PRDM5: variants seen among roughly 807,000 people sequenced by gnomAD.
PRDM5 encodes PR domain zinc finger protein 5.
A neutral mutation model predicts 81.2 loss-of-function variants in PRDM5; 56 were observed. That is an observed-to-expected ratio of 0.69 (90% CI 0.56 to 0.86). The LOEUF is 0.86. Ranked by LOEUF, PRDM5 falls within the 40% of genes least tolerant of loss-of-function variation. The probability of loss-of-function intolerance (pLI) is 0.00; values close to 1 mark genes in which losing one functional copy is unlikely to be tolerated. For missense variants in PRDM5, 697 were observed against 770.1 expected, an observed-to-expected ratio of 0.91 and a Z score of 1.12; for synonymous variants, 267 against 256.4, an observed-to-expected ratio of 1.04 and a Z score of -0.39.
intron 3 of PRDM5, among the ~76,000 whole-genome samples, chr4:120,841,683 A>C (rs1285206846): frequency 6.6e-6 from 1 of 152,146 alleles, no homozygotes; most frequent in African/African-American, 2.4e-5. Context: ...TGGGTGTCTA[A>C]ATTTTAGTTT....
At chr4:120,863,156 T>TAAAAAAAA (rs66499146) in intron 2 of PRDM5, among the ~76,000 whole-genome samples, 1 of 40,108 alleles carries the variant, frequency 2.5e-5, no homozygotes, top group African/African-American at 1.2e-4. Context: ...AGACTCTGTC[T>TAAAAAAAA]AAAAAAAAAA....
In PRDM5 at chr4:120,811,396, C is replaced by G; in HGVS notation, c.919G>C (p.Ala307Pro). 1 of 1,601,816 alleles carries G rather than the reference C, an allele frequency of 6.2e-7. No homozygotes were observed. The highest frequency in any genetic ancestry group is 8.5e-7 in the Non-Finnish European group (1 of 1,171,312). ...CSVCNKKCSS[A>P]SSLQEHRKIH... ...TTTCTATGTTCCTGTAGGCTTGATG[C>G]TGAAGAACACTTTTTATTGCACACT... Residue 307 changes from alanine (A) to proline (P), a missense_variant, in exon 8 of 16, where the codon GCA (alanine) becomes CCA (proline). Around this residue, in one of 3 missense-constraint regions of PRDM5, gnomAD observed 577 missense variants for 606.7 expected, o/e 0.95. Transcript: ENST00000264808.
downstream of PRDM5, among the ~76,000 whole-genome samples, chr4:120,687,156 C>T (rs1733869560): frequency 6.6e-6 from 1 of 151,940 alleles, no homozygotes; most frequent in Non-Finnish European, 1.5e-5. Context: ...CATACATTTT[C>T]TTTTTTCATC....
intron 3 of PRDM5, among the ~76,000 whole-genome samples, chr4:120,826,897 T>C (rs1403369879): frequency 6.6e-6 from 1 of 152,150 alleles, no homozygotes; most frequent in Non-Finnish European, 1.5e-5. Context: ...AAGATGCTGC[T>C]GTATTTAATA....
chr4:120,765,519 T>C (rs1428817885), intron 13 of PRDM5, among the ~76,000 whole-genome samples: 1 of 152,210 alleles, frequency 6.6e-6, no homozygotes, highest in Non-Finnish European at 1.5e-5. Context: ...TGTGCTCTAC[T>C]ATTTCAGCTG....
intron 3 of PRDM5, among the ~76,000 whole-genome samples, chr4:120,841,522 T>C (rs1231096780): frequency 2.6e-5 from 4 of 152,262 alleles, no homozygotes; most frequent in East Asian, 1.9e-4. Context: ...AATTTGTTTA[T>C]TGACTTCTTT....
intron 13 of PRDM5, among the ~76,000 whole-genome samples, chr4:120,756,916 C>T (rs994803400): frequency 1.3e-5 from 2 of 152,044 alleles, no homozygotes; most frequent in African/African-American, 4.8e-5. Flanking sequence ...TTCTAGCAAG[C>T]CTAAGATAAT....
chr4:120,761,515 C>A (rs925498805), intron 13 of PRDM5, among the ~76,000 whole-genome samples: 6 of 152,118 alleles, frequency 3.9e-5, no homozygotes, highest in African/African-American at 9.7e-5. Flanking sequence ...CAGAAGAATT[C>A]TAGCCCTCAC....
At chr4:120,755,158 A>T (rs1744547932) in intron 13 of PRDM5, among the ~76,000 whole-genome samples, 1 of 152,246 alleles carries the variant, frequency 6.6e-6, no homozygotes, top group Non-Finnish European at 1.5e-5. Context: ...AGTTAAACTA[A>T]ATAATAATTA....
chr4:120,829,284 T>A (rs1756416703), intron 3 of PRDM5, among the ~76,000 whole-genome samples: 1 of 152,064 alleles, frequency 6.6e-6, no homozygotes, highest in Non-Finnish European at 1.5e-5. Context: ...TCAAGATGCC[T>A]TCCAGTCTAA....
intron 3 of PRDM5, among the ~76,000 whole-genome samples, chr4:120,835,397 T>C (rs971813447): frequency 1.3e-5 from 2 of 152,218 alleles, no homozygotes; most frequent in Admixed American, 6.5e-5. Flanking sequence ...TGTGCATGCA[T>C]GTACACACAT....
At position 120,863,223 on chromosome 4, in the gene PRDM5, CACAT is replaced by C. The variant is rs1395800735; in HGVS notation, c.178-9687_178-9684del. 6.8e-3 allele frequency among the ~76,000 whole-genome samples: 974 copies of C among 143,850 alleles called. 6 individuals are homozygous for C. Among genetic ancestry groups the C allele is most frequent in the Non-Finnish European group, 0.011 (703 of 66,258 alleles). The allele number at this position is 143,850 out of a possible 152,430, so 94.4% of individuals were successfully genotyped here. ...ACACACACACACACACACACACACA[CACAT>C]ATATATGTATATATATATTTGCTCT... On this transcript the variant is annotated intron_variant, in intron 2 of 15. Transcript: ENST00000264808.
At chr4:120,878,802 T>C (rs1762566641) in intron 2 of PRDM5, among the ~76,000 whole-genome samples, 1 of 152,194 alleles carries the variant, frequency 6.6e-6, no homozygotes, top group Non-Finnish European at 1.5e-5. Flanking sequence ...ATATCATATG[T>C]CATTAGGGAA....
intron 15 of PRDM5, among the ~76,000 whole-genome samples, chr4:120,699,168 ATATATATATATATATAT>A (rs1734962111): frequency 6.9e-5 from 2 of 29,188 alleles, no homozygotes; most frequent in Admixed American, 4.5e-4. Context: ...ATAAATATAT[ATATATATATATATATAT>A]ATATATATAT....
intron 3 of PRDM5, among the ~76,000 whole-genome samples, chr4:120,832,654 C>G (rs988779293): frequency 1.3e-5 from 2 of 152,014 alleles, no homozygotes; most frequent in Non-Finnish European, 2.9e-5. Flanking sequence ...TGAAGGCTAT[C>G]AACAAAGTAT....
chr4:120,808,887 C>T (rs1223079852), intron 8 of PRDM5, among the ~76,000 whole-genome samples: 2 of 152,350 alleles, frequency 1.3e-5, no homozygotes, highest in East Asian at 3.9e-4. Flanking sequence ...CCCACGCCCA[C>T]CTGGAACTCA....
At chr4:120,740,386 A>G (rs549528966) in intron 14 of PRDM5, among the ~76,000 whole-genome samples, 17 of 152,146 alleles carry the variant, frequency 1.1e-4, no homozygotes, top group Non-Finnish European at 1.5e-4. Flanking sequence ...TAAAAACAGA[A>G]ATAGCTATTA....
intron 2 of PRDM5, among the ~76,000 whole-genome samples, chr4:120,864,479 T>C (rs765839134): frequency 6.6e-6 from 1 of 152,268 alleles, no homozygotes; most frequent in South Asian, 2.1e-4. Context: ...TTAAGAAATA[T>C]TGATGTTACA....
chr4:120,774,756 T>C, intron 13 of PRDM5, among the ~76,000 whole-genome samples: 1 of 152,064 alleles, frequency 6.6e-6, no homozygotes. Flanking sequence ...GAAAGTATGG[T>C]AAGTTTTATT....
Sources: allele counts gnomAD v4.1 joint callset (sites outside exome capture counted in the v4.1 genomes callset), GRCh38; gene constraint gnomAD v4.1.1; regional missense constraint gnomAD v4.1.1; transcripts MANE v1.5; gene names NCBI Gene and HGNC (gene_info 2026-07-23, HGNC 2026-07-21).